TENM3: variants seen among roughly 807,000 people sequenced by gnomAD.
The protein encoded by TENM3 is teneurin transmembrane protein 3.
In TENM3, 63 loss-of-function variants were observed where a neutral mutation model predicts 255.1. The ratio of observed to expected loss-of-function variants is 0.25; its 90% CI spans 0.20 to 0.30. The LOEUF is 0.30. Ranked by LOEUF, TENM3 falls within the 10% of genes least tolerant of loss-of-function variation. The probability of loss-of-function intolerance (pLI) is 1.00; values close to 1 mark genes in which losing one functional copy is unlikely to be tolerated. For missense variants in TENM3, 2,929 were observed against 3,461.1 expected, an observed-to-expected ratio of 0.85 and a Z score of 3.86; for synonymous variants, 1,306 against 1,322.3, an observed-to-expected ratio of 0.99 and a Z score of 0.27.
At chr4:181,484,294 A>G in the TENM3 span, among the ~76,000 whole-genome samples, 9,323 of 152,140 alleles carry the variant, frequency 0.061, 398 homozygotes, top group Non-Finnish European at 0.09. Context: ...ATAGATAATC[A>G]AATATTAAAA....
At chr4:182,773,689 C>G (rs767548435) in intron 23 of TENM3, 42 bp downstream of exon 23, 15 of 1,568,536 alleles carry the variant, frequency 9.6e-6, no homozygotes, top group Non-Finnish European at 2.6e-6. Context: ...CCACCAGCAC[C>G]CAGACAGAAT....
chr4:181,990,330 G>A, the TENM3 span, among the ~76,000 whole-genome samples: 3 of 152,096 alleles, frequency 2.0e-5, no homozygotes, highest in African/African-American at 7.2e-5. Flanking sequence ...GAGTGACCAT[G>A]GATAAACTAC....
chr4:181,707,676 C>T, the TENM3 span, among the ~76,000 whole-genome samples: 2 of 152,182 alleles, frequency 1.3e-5, no homozygotes, highest in African/African-American at 4.8e-5. Flanking sequence ...AATATCCGGT[C>T]AGATGACCTC....
intron 1 of TENM3, among the ~76,000 whole-genome samples, chr4:182,299,124 A>C (rs1346894903): frequency 3.3e-5 from 5 of 151,754 alleles, no homozygotes; most frequent in Non-Finnish European, 7.4e-5. Context: ...CTGAAAGAAT[A>C]ATGGGGCATT....
At chr4:182,422,098 A>G (rs1027695976) in intron 3 of TENM3, among the ~76,000 whole-genome samples, 4 of 152,316 alleles carry the variant, frequency 2.6e-5, no homozygotes, top group Admixed American at 6.5e-5. Flanking sequence ...TGTTAAAACT[A>G]TTTGTAATGT....
Position 182,773,618 on chromosome 4 carries a change from C to T in TENM3, c.5039C>T (p.Ser1680Leu), listed in dbSNP as rs746018224. ...GTCAGCATCACTTCAAATCTGTCCT[C>T]GATCGATTCTTTCTACACCATGGTT... ...EDVSITSNLS[S>L]IDSFYTMVQD... The change falls in exon 23 of 28, where the codon TCG becomes TTG. Residue 1680 changes from serine (S) to leucine (L), a missense_variant. Coordinates refer to ENST00000511685, the MANE Select transcript of TENM3 (RefSeq NM_001080477.4). 19 of 1,613,080 alleles carry T rather than the reference C, an allele frequency of 1.2e-5. No homozygotes were observed. The highest frequency in any genetic ancestry group is 5.0e-5 in the Admixed American group (3 of 59,890).
At chr4:182,672,493 T>C (rs1755304796) in intron 6 of TENM3, among the ~76,000 whole-genome samples, 1 of 152,184 alleles carries the variant, frequency 6.6e-6, no homozygotes, top group South Asian at 2.1e-4. Context: ...ATCTGATGTT[T>C]TTCATTCATC....
At chr4:181,740,138 A>C in the TENM3 span, among the ~76,000 whole-genome samples, 1 of 152,112 alleles carries the variant, frequency 6.6e-6, no homozygotes, top group Non-Finnish European at 1.5e-5. Context: ...TAAACCTCTT[A>C]CTTCCATGAA....
intron 3 of TENM3, among the ~76,000 whole-genome samples, chr4:182,570,772 G>C (rs1363112076): frequency 6.6e-6 from 1 of 152,010 alleles, no homozygotes; most frequent in African/African-American, 2.4e-5. Flanking sequence ...GGAGCTTGCA[G>C]TGAGTGGAGA....
the TENM3 span, among the ~76,000 whole-genome samples, chr4:182,036,816 A>G: frequency 6.6e-6 from 1 of 152,166 alleles, no homozygotes; most frequent in Non-Finnish European, 1.5e-5. Context: ...TTACTTAAAT[A>G]CTTCTCAGCC....
the TENM3 span, among the ~76,000 whole-genome samples, chr4:182,078,355 C>T: frequency 6.6e-6 from 1 of 152,072 alleles, no homozygotes; most frequent in East Asian, 1.9e-4. Context: ...AACCCTGTCT[C>T]TACTAAAATG....
intron 2 of TENM3, among the ~76,000 whole-genome samples, chr4:182,345,658 T>A (rs1764753012): frequency 1.3e-5 from 2 of 152,198 alleles, no homozygotes; most frequent in South Asian, 2.1e-4. Context: ...TCATCCATAG[T>A]AGTATAAAAC....
At chr4:181,661,289 C>T in the TENM3 span, among the ~76,000 whole-genome samples, 2 of 152,174 alleles carry the variant, frequency 1.3e-5, no homozygotes, top group African/African-American at 4.8e-5. Context: ...AAACCCACAA[C>T]TTATTCATCT....
the TENM3 span, among the ~76,000 whole-genome samples, chr4:182,030,258 A>G: frequency 6.8e-6 from 1 of 148,118 alleles, no homozygotes; most frequent in African/African-American, 2.5e-5. Context: ...GACAGGCCCC[A>G]GTGTTTTGTG....
chr4:182,551,289 G>A (rs1220615330), intron 3 of TENM3, among the ~76,000 whole-genome samples: 1 of 150,076 alleles, frequency 6.7e-6, no homozygotes, highest in Non-Finnish European at 1.5e-5. Context: ...ACACGAAGAT[G>A]ATGAAATTGT....
chr4:182,451,773 G>A (rs568340113), intron 3 of TENM3, among the ~76,000 whole-genome samples: 1 of 152,288 alleles, frequency 6.6e-6, no homozygotes, highest in South Asian at 2.1e-4. Flanking sequence ...CATTCAATTA[G>A]TGGGGAAAAA....
At chr4:182,022,530 TAA>T in the TENM3 span, among the ~76,000 whole-genome samples, 12,353 of 119,950 alleles carry the variant, frequency 0.1, 574 homozygotes, top group Middle Eastern at 0.21. Context: ...ATCCCCTGAA[TAA>T]AAAAAAAAAA....
intron 18 of TENM3, among the ~76,000 whole-genome samples, chr4:182,741,028 T>G (rs1554026617): frequency 6.6e-6 from 1 of 151,842 alleles, no homozygotes. Flanking sequence ...ATACAAAAAT[T>G]AGCCAGGCTT....
the TENM3 span, among the ~76,000 whole-genome samples, chr4:181,527,324 G>A: frequency 6.6e-5 from 10 of 152,028 alleles, no homozygotes; most frequent in Non-Finnish European, 1.5e-4. Flanking sequence ...CTAAAAAGTT[G>A]AGATATTTAG....
Sources: gnomAD v4.1 joint callset for allele counts (sites outside exome capture counted in the v4.1 genomes callset) on GRCh38, gnomAD v4.1.1 for gene constraint, MANE v1.5 for transcripts, NCBI Gene and HGNC (gene_info 2026-07-23, HGNC 2026-07-21) for gene names.